USP34: variants seen among roughly 807,000 people sequenced by gnomAD.
The protein encoded by USP34 is ubiquitin specific peptidase 34, also known as ubiquitin carboxyl-terminal hydrolase 34.
A neutral mutation model predicts 460.3 loss-of-function variants in USP34; 70 were observed. That is an observed-to-expected ratio of 0.15 (90% CI 0.13 to 0.19). USP34 has a LOEUF of 0.19. Among genes scored for constraint, USP34 ranks in the 10% least tolerant of loss-of-function variants. The pLI, the probability that USP34 is intolerant of heterozygous loss-of-function variation, is 1.00. For missense variants in USP34, 3,985 were observed against 4,236.2 expected, an observed-to-expected ratio of 0.94 and a Z score of 1.65; for synonymous variants, 1,647 against 1,405.3, an observed-to-expected ratio of 1.17 and a Z score of -3.85.
chr2:61,466,037 AG>A lies in USP34; in HGVS notation c.43+4612del, dbSNP rs549221374. On this transcript the variant is annotated intron_variant, in intron 1 of 79. Coordinates refer to ENST00000398571, the MANE Select transcript of USP34 (RefSeq NM_014709.4). Reference sequence around the variant, plus strand: ...AAAATTTGCTGGGAATGGTAGAGGGAGGGGAGGGATAGGGAGAGATTTGTTA... The same window carrying A: ...AAAATTTGCTGGGAATGGTAGAGGGAGGGAGGGATAGGGAGAGATTTGTTA... 7.2e-5 allele frequency among the ~76,000 whole-genome samples: 11 copies of A among 152,140 alleles called. No individual in the cohort carries two copies. In the South Asian group the frequency reaches 2.3e-3, roughly 32 times the overall value.
At chr2:61,305,384 T>C (rs1183815750) in intron 27 of USP34, among the ~76,000 whole-genome samples, 2 of 151,418 alleles carry the variant, frequency 1.3e-5, no homozygotes, top group East Asian at 3.9e-4. Context: ...ACCAACAAAG[T>C]ATGCAAGATG....
chr2:61,295,117 T>C (rs1413642406), intron 31 of USP34, 51 bp downstream of exon 31: 1 of 1,596,676 alleles, frequency 6.3e-7, no homozygotes, highest in African/African-American at 1.4e-5. Flanking sequence ...TATAGAATTT[T>C]GCTCCAGAGA....
rs1014408827 is a variant in USP34 at position 61,415,375 on chromosome 2, A to G, written c.131+5371T>C. ...GAAAAGACAGTACACCAAGAAAGAG[A>G]GAACATGCAAGATATAAAATGAACT... is the stretch of plus-strand genomic sequence containing the variant. On this transcript the variant is annotated intron_variant, in intron 2 of 79. Coordinates refer to ENST00000398571, the MANE Select transcript of USP34 (RefSeq NM_014709.4). 3.9e-5 allele frequency among the ~76,000 whole-genome samples: 6 copies of G among 152,218 alleles called. No individual in the cohort carries two copies. The South Asian group carries it at 1.2e-3, about 31-fold the overall frequency.
rs1010175606 is a variant in USP34 at position 61,327,516 on chromosome 2, G to A, written c.2931-2059C>T. Among the ~76,000 whole-genome samples the A allele has an allele frequency of 5.3e-5, 8 of 152,294 alleles. No homozygotes were observed. In the East Asian group the frequency reaches 1.3e-3, roughly 26 times the overall value. ...GAGTTGTATGACCCATCAGTTCTGC[G>A]GTTTTACGTTACTGTATCCTCTTGC... On this transcript the variant is annotated intron_variant, in intron 20 of 79. Coordinates refer to ENST00000398571, the MANE Select transcript of USP34 (RefSeq NM_014709.4).
intron 41 of USP34, among the ~76,000 whole-genome samples, chr2:61,269,881 T>C (rs1350018301): frequency 1.3e-5 from 2 of 152,306 alleles, no homozygotes; most frequent in East Asian, 1.9e-4. Context: ...TTGGAATACC[T>C]GTGATTTCAA....
intron 67 of USP34, among the ~76,000 whole-genome samples, chr2:61,217,815 C>A (rs1687445723): frequency 6.6e-6 from 1 of 151,960 alleles, no homozygotes; most frequent in Non-Finnish European, 1.5e-5. Flanking sequence ...ATTAGCCAGG[C>A]ATGGTGGTGG....
chr2:61,406,850 C>CAA (rs1022286412), intron 2 of USP34, among the ~76,000 whole-genome samples: 17 of 142,122 alleles, frequency 1.2e-4, no homozygotes, highest in African/African-American at 2.3e-4. Flanking sequence ...ACTAAAAATG[C>CAA]AAAAAAAAAA....
chr2:61,306,676 A>G lies in USP34; in HGVS notation c.3817+4864T>C, dbSNP rs142365046. 2.8e-3 allele frequency among the ~76,000 whole-genome samples: 434 copies of G among 152,312 alleles called. 2 individuals are homozygous for G. Among genetic ancestry groups the G allele is most frequent in the African/African-American group, 9.6e-3 (401 of 41,584 alleles). On this transcript the variant is annotated intron_variant, in intron 27 of 79. Transcript: ENST00000398571. Reference sequence around the variant, plus strand: ...GGTCAGTATGGCCAGACACTTCTCAAAAGAAGACATTTATGCAGCCAAAAG... The same window carrying G: ...GGTCAGTATGGCCAGACACTTCTCAGAAGAAGACATTTATGCAGCCAAAAG...
intron 10 of USP34, among the ~76,000 whole-genome samples, chr2:61,369,241 A>C (rs1692533145): frequency 6.6e-6 from 1 of 152,242 alleles, no homozygotes; most frequent in Non-Finnish European, 1.5e-5. Context: ...TTAACCTAGT[A>C]ATTCTAATTC....
intron 75 of USP34, among the ~76,000 whole-genome samples, chr2:61,195,763 T>C (rs963320363): frequency 6.6e-6 from 1 of 152,088 alleles, no homozygotes; most frequent in African/African-American, 2.4e-5. Flanking sequence ...GTGTCCCCTC[T>C]TTGCAAAAAG....
At chr2:61,425,070 G>T (rs958757051) in intron 1 of USP34, among the ~76,000 whole-genome samples, 3 of 151,976 alleles carry the variant, frequency 2.0e-5, no homozygotes, top group Admixed American at 6.6e-5. Flanking sequence ...CACCTGCCTT[G>T]GCCTCCTGGG....
chr2:61,323,432 G>A (rs562900399), intron 21 of USP34, among the ~76,000 whole-genome samples: 3 of 151,356 alleles, frequency 2.0e-5, no homozygotes, highest in African/African-American at 4.8e-5. Context: ...AGAGAATGGC[G>A]TGAACCTGGG....
At chr2:61,259,301 G>A (rs1488131444) in intron 44 of USP34, among the ~76,000 whole-genome samples, 1 of 151,656 alleles carries the variant, frequency 6.6e-6, no homozygotes, top group Non-Finnish European at 1.5e-5. Context: ...AAAAAGAAAG[G>A]TACATAGTTA....
chr2:61,400,099 C>A (rs1460360633), intron 3 of USP34, among the ~76,000 whole-genome samples: 2 of 137,732 alleles, frequency 1.5e-5, no homozygotes, highest in African/African-American at 5.4e-5. Context: ...AGTAACTATA[C>A]AGGAAAGGCA....
At chr2:61,213,236 A>T (rs1247274746) in intron 68 of USP34, among the ~76,000 whole-genome samples, 2 of 152,086 alleles carry the variant, frequency 1.3e-5, no homozygotes, top group Non-Finnish European at 2.9e-5. Flanking sequence ...GCTGGTCTTG[A>T]ACTGCTGGGC....
Position 61,413,110 on chromosome 2 carries a change from A to G in USP34, c.132-6982T>C, listed in dbSNP as rs566024056. On this transcript the variant is annotated intron_variant, in intron 2 of 79. Transcript: ENST00000398571. ...TCAGGGAGAGTAATTAAGAGTATCA[A>G]GGAGGCCGGGCGCGGTGGCTCATGC... Among the ~76,000 whole-genome samples, 4 of 152,224 alleles carry G rather than the reference A, an allele frequency of 2.6e-5. No homozygotes were observed. The South Asian group carries it at 8.3e-4, about 32-fold the overall frequency.
intron 48 of USP34, 113 bp from the exon 49 acceptor site, chr2:61,248,796 G>A (rs1688491494): frequency 9.9e-7 from 1 of 1,006,888 alleles, no homozygotes; most frequent in African/African-American, 1.6e-5. Flanking sequence ...AAGAAGTATA[G>A]TAGTTCCCCT....
In USP34 at chr2:61,386,617, C is replaced by T. The variant is rs554153030; in HGVS notation, c.754-3281G>A. On this transcript the variant is annotated intron_variant, in intron 5 of 79. Coordinates refer to ENST00000398571, the MANE Select transcript of USP34 (RefSeq NM_014709.4). ...CATCCTGGCCAACATGGTGAAACCC[C>T]ATCTATACTAAAAATACAAAAAATT... Among the ~76,000 whole-genome samples, 28 of 152,044 alleles carry T rather than the reference C, an allele frequency of 1.8e-4. No individual in the cohort carries two copies. In the South Asian group the frequency reaches 5.6e-3, roughly 30 times the overall value.
At chr2:61,418,068 TA>T (rs1381901112) in intron 2 of USP34, among the ~76,000 whole-genome samples, 3 of 150,962 alleles carry the variant, frequency 2.0e-5, no homozygotes, top group Non-Finnish European at 2.9e-5. Context: ...TTATAAATAT[TA>T]AATTCTTGTT....
Sources: gnomAD v4.1 joint callset for allele counts (sites outside exome capture counted in the v4.1 genomes callset) on GRCh38, gnomAD v4.1.1 for gene constraint, MANE v1.5 for transcripts, NCBI Gene and HGNC (gene_info 2026-07-23, HGNC 2026-07-21) for gene names.